Variants in PRRG4 observed in about 807,000 individuals in gnomAD.
PRRG4 encodes the protein proline rich and Gla domain 4.
PRRG4 carries 12 observed loss-of-function variants against 20.0 expected under a neutral mutation model. The ratio of observed to expected loss-of-function variants is 0.60; its 90% CI spans 0.38 to 0.97. PRRG4 has a LOEUF of 0.97. Ranked by LOEUF, PRRG4 falls within the 50% of genes least tolerant of loss-of-function variation. The pLI is 0.00. For missense variants in PRRG4, 199 were observed against 265.1 expected, an observed-to-expected ratio of 0.75 and a Z score of 1.73; for synonymous variants, 94 against 96.4, an observed-to-expected ratio of 0.98 and a Z score of 0.15.
At chr11:32,830,980 C>T (rs759552710) in intron 2 of PRRG4, among the ~76,000 whole-genome samples, 1 of 152,090 alleles carries the variant, frequency 6.6e-6, no homozygotes, top group African/African-American at 2.4e-5. Flanking sequence ...CCTGGAGAGG[C>T]GAACGGGGAG....
intron 5 of PRRG4, among the ~76,000 whole-genome samples, chr11:32,846,489 C>T (rs1343744272): frequency 6.6e-6 from 1 of 152,192 alleles, no homozygotes; most frequent in Non-Finnish European, 1.5e-5. Flanking sequence ...TGGTAATATA[C>T]TAGGTTCTAG....
At chr11:32,836,114 A>T (rs1272419686) in intron 2 of PRRG4, among the ~76,000 whole-genome samples, 1 of 151,990 alleles carries the variant, frequency 6.6e-6, no homozygotes, top group African/African-American at 2.4e-5. Context: ...AAATAATAAT[A>T]ATAATAATAA....
intron 2 of PRRG4, among the ~76,000 whole-genome samples, chr11:32,832,800 A>G (rs1356587354): frequency 6.6e-6 from 1 of 152,182 alleles, no homozygotes; most frequent in Admixed American, 6.5e-5. Flanking sequence ...CTGATAAAGC[A>G]TGACGGTAGA....
chr11:32,830,037 A>C lies in PRRG4; in HGVS notation c.-159A>C, dbSNP rs535554200. ...CCAGGTTTGCGCGCGGGGGCCATCC[A>C]GACCCTGCGGAGAGCGAGGCCCGGA... On this transcript the variant is annotated 5_prime_UTR_variant, in exon 1 of 6. Transcript: ENST00000257836. 1.6e-3 allele frequency: 1,603 copies of C among 986,734 alleles called. 18 individuals carry two copies. The African/African-American group carries it at 0.025, about 15-fold the overall frequency. The allele number at this position is 986,734 out of a possible 1,614,324, so 61.1% of individuals were successfully genotyped here. A position where few individuals can be genotyped will look rare whatever the true frequency, so the allele number is the denominator to read the frequency against.
intron 5 of PRRG4, among the ~76,000 whole-genome samples, chr11:32,852,767 T>G (rs1031826358): frequency 1.1e-4 from 16 of 148,738 alleles, no homozygotes; most frequent in African/African-American, 3.8e-4. Flanking sequence ...CAGGATCAGA[T>G]TTCTCTTTTT....
chr11:32,854,186 G>A lies in PRRG4; in HGVS notation c.*659G>A, dbSNP rs1286133277. Reference sequence around the variant, plus strand: ...ATAGGTAGAATTAGTGAACTCTTTGGATCCTTTGTACAGATAAAGGTTATA... The same window carrying A: ...ATAGGTAGAATTAGTGAACTCTTTGAATCCTTTGTACAGATAAAGGTTATA... On this transcript the variant is annotated 3_prime_UTR_variant, in exon 6 of 6. Coordinates refer to ENST00000257836, the MANE Select transcript of PRRG4 (RefSeq NM_024081.6). 6.6e-6 allele frequency: 1 copy of A among 152,284 alleles called. No homozygotes were observed. Among genetic ancestry groups the A allele is most frequent in the Non-Finnish European group, 1.5e-5 (1 of 68,152 alleles). 9.4% of individuals were successfully genotyped at this position (152,284 alleles called of 1,614,324 possible).
At position 32,836,672 on chromosome 11, in the gene PRRG4, G is replaced by A. The variant is rs1172435748; in HGVS notation, c.118G>A (p.Glu40Lys). ...HAGEEVFTSK[E>K]EANFFIHRRL... ...TACTTTATTAGTGTTTACATCAAAAGAAGAAGCAAACTTTTTCATACATAG... is the reference window on the plus strand; with the variant it reads ...TACTTTATTAGTGTTTACATCAAAAAAAGAAGCAAACTTTTTCATACATAG... Residue 40 changes from glutamate (E) to lysine (K), a missense_variant, in exon 3 of 6, where the codon GAA becomes AAA. Physicochemically the swap from Glu to Lys is moderately conservative, Grantham distance 56. Coordinates refer to ENST00000257836, the MANE Select transcript of PRRG4 (RefSeq NM_024081.6). 6.3e-7 allele frequency: 1 copy of A among 1,584,550 alleles called. No individual in the cohort carries two copies. The highest frequency in any genetic ancestry group is 8.6e-7 in the Non-Finnish European group (1 of 1,158,090).
At chr11:32,830,676 G>T in intron 2 of PRRG4, 44 bp downstream of exon 2, 1 of 1,611,740 alleles carries the variant, frequency 6.2e-7, no homozygotes, top group Non-Finnish European at 8.5e-7. Flanking sequence ...GCATAGCACA[G>T]ATCTCAGTGA....
chr11:32,848,988 A>G (rs1210172699), intron 5 of PRRG4, among the ~76,000 whole-genome samples: 2 of 150,274 alleles, frequency 1.3e-5, no homozygotes, highest in Non-Finnish European at 3.0e-5. Flanking sequence ...AAAAAAAAGA[A>G]TTTAAGGCAA....
Position 32,840,366 on chromosome 11 carries a change from A to C in PRRG4, c.449+127A>C. On this transcript the variant is annotated intron_variant, in intron 5 of 5. Coordinates refer to ENST00000257836, the MANE Select transcript of PRRG4 (RefSeq NM_024081.6). This position sits in a 1 kb window ranked among gnomAD's most constrained non-coding sequence, Gnocchi z 4.1. ...TTTATTTTGGAAGAATTTTAGATGT[A>C]TAGGGAAGTTGCAAAGGTTAATACA... 1 of 698,690 alleles carries C rather than the reference A, an allele frequency of 1.4e-6. No homozygotes were observed. Among genetic ancestry groups the C allele is most frequent in the Non-Finnish European group, 2.4e-6 (1 of 419,912 alleles). 43.3% of individuals were successfully genotyped at this position (698,690 alleles called of 1,614,324 possible).
At chr11:32,831,749 G>A (rs370893383) in intron 2 of PRRG4, among the ~76,000 whole-genome samples, 27 of 152,218 alleles carry the variant, frequency 1.8e-4, no homozygotes, top group Middle Eastern at 6.8e-3. Context: ...TCGCCGGCAC[G>A]GTGGCTCACA....
intron 4 of PRRG4, among the ~76,000 whole-genome samples, chr11:32,839,733 A>G (rs1233890230): frequency 8.3e-6 from 1 of 120,962 alleles, no homozygotes; most frequent in East Asian, 1.9e-4. Context: ...TATTTTGAAT[A>G]TTATTAAAAT....
At chr11:32,833,409 A>C (rs367736722) in intron 2 of PRRG4, among the ~76,000 whole-genome samples, 6 of 152,222 alleles carry the variant, frequency 3.9e-5, no homozygotes, top group African/African-American at 1.2e-4. Context: ...TTGTATTTTT[A>C]ATAACTCAAC....
At chr11:32,831,697 G>C (rs1482304151) in intron 2 of PRRG4, among the ~76,000 whole-genome samples, 3 of 152,166 alleles carry the variant, frequency 2.0e-5, no homozygotes, top group African/African-American at 4.8e-5. Context: ...ATGATTGTGA[G>C]TGCAATCATT....
In PRRG4 at chr11:32,857,866, T is replaced by C. The variant is rs900201749; in HGVS notation, c.*4339T>C. The C allele has an allele frequency of 6.6e-6, 1 of 152,230 alleles. No homozygotes were observed. The highest frequency in any genetic ancestry group is 1.5e-5 in the Non-Finnish European group (1 of 68,030). The allele number at this position is 152,230 out of a possible 1,614,324, so 9.4% of individuals were successfully genotyped here. ...TGGTCATTTTAAAACATGTGTGACATATATCAGTACCTTCATTCTTCTATA... is the reference window on the plus strand; with the variant it reads ...TGGTCATTTTAAAACATGTGTGACACATATCAGTACCTTCATTCTTCTATA... On this transcript the variant is annotated 3_prime_UTR_variant, in exon 6 of 6. Coordinates refer to ENST00000257836, the MANE Select transcript of PRRG4 (RefSeq NM_024081.6).
Position 32,829,965 on chromosome 11 carries a change from C to G in PRRG4, c.-231C>G. On this transcript the variant is annotated 5_prime_UTR_variant, in exon 1 of 6. Transcript: ENST00000257836. ...CTCCCCGGACCGAGGCAGGACCTCA[C>G]CCCGCGCGTGTTCCCCGGGCGCCCC... 3 of 985,608 alleles carry G rather than the reference C, an allele frequency of 3.0e-6. No homozygotes were observed. Among genetic ancestry groups the G allele is most frequent in the Non-Finnish European group, 3.6e-6 (3 of 830,080 alleles). 61.1% of individuals were successfully genotyped at this position (985,608 alleles called of 1,614,324 possible).
At chr11:32,843,140 G>C (rs747736387) in intron 5 of PRRG4, among the ~76,000 whole-genome samples, 2 of 152,112 alleles carry the variant, frequency 1.3e-5, no homozygotes, top group Non-Finnish European at 2.9e-5. Context: ...ACCGTGCCCA[G>C]CCAGAAGAAA....
chr11:32,853,566 G>T lies in PRRG4; in HGVS notation c.*39G>T, dbSNP rs1851203906. 1 of 1,525,948 alleles carries T rather than the reference G, an allele frequency of 6.6e-7. No individual in the cohort carries two copies. The allele number at this position is 1,525,948 out of a possible 1,614,324, so 94.5% of individuals were successfully genotyped here. ...TTGGTATAAGAAATTTGTGTTATTT[G>T]ATAGGCCGGGCATGGTGGCTCATGC... On this transcript the variant is annotated 3_prime_UTR_variant, in exon 6 of 6. Coordinates refer to ENST00000257836, the MANE Select transcript of PRRG4 (RefSeq NM_024081.6).
intron 5 of PRRG4, among the ~76,000 whole-genome samples, chr11:32,848,089 G>A (rs1851147013): frequency 6.6e-6 from 1 of 152,164 alleles, no homozygotes; most frequent in Non-Finnish European, 1.5e-5. Context: ...TTGTAGTTCT[G>A]GAGGCTGGGA....
Sources: allele counts gnomAD v4.1 joint callset (sites outside exome capture counted in the v4.1 genomes callset), GRCh38; gene constraint gnomAD v4.1.1; non-coding constraint Gnocchi (gnomAD v3.1); transcripts MANE v1.5; gene names NCBI Gene and HGNC (gene_info 2026-07-23, HGNC 2026-07-21).